Variants in DIP2C observed in about 807,000 individuals in gnomAD.
DIP2C encodes the protein DIP2 acetate--CoA ligase C (putative), also known as disco-interacting protein 2 homolog C.
In DIP2C, 33 loss-of-function variants were observed where a neutral mutation model predicts 192.4. The observed-to-expected ratio is 0.17, with a 90% CI of 0.13 to 0.23. The LOEUF is 0.23. Among genes scored for constraint, DIP2C ranks in the 10% least tolerant of loss-of-function variants. The pLI is 1.00. For missense variants in DIP2C, 1,537 were observed against 2,110.1 expected (o/e 0.73, Z 5.32); for synonymous variants, 979 against 864.1 (o/e 1.13, Z -2.33).
chr10:677,548 G>A (rs1173421517), intron 1 of DIP2C, among the ~76,000 whole-genome samples: 1 of 152,178 alleles, frequency 6.6e-6, no homozygotes, highest in Non-Finnish European at 1.5e-5. Flanking sequence ...GCTTGAAACG[G>A]ACACTCCACC....
At chr10:361,142 G>C (rs1481049466) in intron 22 of DIP2C, among the ~76,000 whole-genome samples, 2 of 152,112 alleles carry the variant, frequency 1.3e-5, no homozygotes, top group African/African-American at 2.4e-5. Flanking sequence ...TCTCAGTTTA[G>C]CAAAAACAGA....
At chr10:316,310 C>CA (rs1230435870) in intron 31 of DIP2C, among the ~76,000 whole-genome samples, 1 of 152,204 alleles carries the variant, frequency 6.6e-6, no homozygotes, top group Non-Finnish European at 1.5e-5. Context: ...AAAGAATTTA[C>CA]AAGCCTATGG....
At chr10:672,230 A>G (rs140672335) in intron 1 of DIP2C, among the ~76,000 whole-genome samples, 1,811 of 152,136 alleles carry the variant, frequency 0.012, 10 homozygotes, top group Middle Eastern at 0.02. Context: ...GACGGAAGAA[A>G]CACCACAGAT....
intron 13 of DIP2C, among the ~76,000 whole-genome samples, 179 bp from the exon 14 acceptor site, chr10:387,988 CT>C (rs1401230146): frequency 2.5e-4 from 38 of 152,326 alleles, no homozygotes; most frequent in African/African-American, 9.1e-4. Flanking sequence ...GCCGGCCACC[CT>C]GGAGTTTCTC....
intron 29 of DIP2C, among the ~76,000 whole-genome samples, chr10:331,239 G>C (rs1427429174): frequency 6.6e-6 from 1 of 152,068 alleles, no homozygotes; most frequent in Non-Finnish European, 1.5e-5. Flanking sequence ...TTTCATAATT[G>C]TTTATAAGAG....
chr10:613,348 A>G (rs1485230743), intron 1 of DIP2C, among the ~76,000 whole-genome samples: 1 of 152,120 alleles, frequency 6.6e-6, no homozygotes, highest in Non-Finnish European at 1.5e-5. Context: ...GCGATTTTCT[A>G]TAAATAATGT....
chr10:684,650 G>A (rs371299495), intron 1 of DIP2C, among the ~76,000 whole-genome samples: 14 of 152,218 alleles, frequency 9.2e-5, no homozygotes, highest in South Asian at 6.3e-4. Flanking sequence ...TGGGGGTGCC[G>A]AGGGCAGAAC....
chr10:506,772 C>T (rs561311871), intron 1 of DIP2C, among the ~76,000 whole-genome samples: 1 of 152,334 alleles, frequency 6.6e-6, no homozygotes, highest in East Asian at 1.9e-4. Flanking sequence ...TAGCGAGCCA[C>T]GCAACGTTCC....
intron 1 of DIP2C, among the ~76,000 whole-genome samples, chr10:517,817 C>A: frequency 6.6e-6 from 1 of 152,188 alleles, no homozygotes; most frequent in East Asian, 1.9e-4. Flanking sequence ...CAACCAGTAG[C>A]CTTTCTCATC....
intron 2 of DIP2C, among the ~76,000 whole-genome samples, chr10:483,945 T>C (rs975839213): frequency 2.0e-5 from 3 of 152,080 alleles, no homozygotes; most frequent in East Asian, 1.9e-4. Context: ...GCCTCCCATA[T>C]AGCTGGGATC....
chr10:502,371 G>A (rs765956646), intron 1 of DIP2C, among the ~76,000 whole-genome samples: 11 of 152,280 alleles, frequency 7.2e-5, no homozygotes, highest in Admixed American at 1.3e-4. Flanking sequence ...CAAGTGAACT[G>A]AAACAAAAAT....
At chr10:574,900 C>G (rs1457626580) in intron 1 of DIP2C, among the ~76,000 whole-genome samples, 1 of 152,076 alleles carries the variant, frequency 6.6e-6, no homozygotes, top group Non-Finnish European at 1.5e-5. Context: ...TAATGTGATT[C>G]GGTTTGTCAC....
At chr10:375,343 T>G (rs1961440137) in intron 17 of DIP2C, among the ~76,000 whole-genome samples, 1 of 152,212 alleles carries the variant, frequency 6.6e-6, no homozygotes, top group Non-Finnish European at 1.5e-5. Context: ...GCCATGATCA[T>G]AAGCTTCCTG....
chr10:552,625 C>T (rs1024663199), intron 1 of DIP2C, among the ~76,000 whole-genome samples: 13 of 152,186 alleles, frequency 8.5e-5, no homozygotes, highest in Admixed American at 2.6e-4. Flanking sequence ...CCGAGGCGGG[C>T]GGATCACGAG....
chr10:524,096 A>AC (rs1327165040), intron 1 of DIP2C, among the ~76,000 whole-genome samples: 8 of 5,508 alleles, frequency 1.5e-3, no homozygotes, highest in Non-Finnish European at 3.8e-3. Context: ...TGACTGGAGC[A>AC]CCCCTTCAGG....
chr10:429,184 G>C (rs1246297549), intron 4 of DIP2C, among the ~76,000 whole-genome samples: 2 of 151,392 alleles, frequency 1.3e-5, no homozygotes, highest in Non-Finnish European at 2.9e-5. Flanking sequence ...AAATCCTCCT[G>C]CTTTGCCTAT....
intron 29 of DIP2C, among the ~76,000 whole-genome samples, chr10:332,736 T>C (rs1328313487): frequency 1.3e-5 from 2 of 152,218 alleles, no homozygotes; most frequent in Non-Finnish European, 2.9e-5. Flanking sequence ...TGATTTCAGA[T>C]TACTAACCTG....
chr10:360,453 G>GC (rs1412046756), intron 22 of DIP2C, among the ~76,000 whole-genome samples: 1 of 152,206 alleles, frequency 6.6e-6, no homozygotes, highest in Non-Finnish European at 1.5e-5. Flanking sequence ...TCACCCATCT[G>GC]CAAGTCGGCA....
chr10:667,556 A>G (rs1382724894), intron 1 of DIP2C: 1 of 152,344 alleles, frequency 6.6e-6, no homozygotes, highest in Non-Finnish European at 1.5e-5. Context: ...CACACAACAC[A>G]CACAACACAT....
Sources: allele counts gnomAD v4.1 joint callset (sites outside exome capture counted in the v4.1 genomes callset), GRCh38; gene constraint gnomAD v4.1.1; transcripts MANE v1.5; gene names NCBI Gene and HGNC (gene_info 2026-07-23, HGNC 2026-07-21).